ZBTB37: variants seen among roughly 807,000 people sequenced by gnomAD.
ZBTB37 encodes the protein zinc finger and BTB domain-containing protein 37.
A neutral mutation model predicts 37.7 loss-of-function variants in ZBTB37; 15 were observed. The observed-to-expected ratio is 0.40, with a 90% CI of 0.27 to 0.61. The LOEUF (loss-of-function observed/expected upper bound fraction) is 0.61, where lower values mean the gene tolerates loss of function less well. Ranked by LOEUF, ZBTB37 falls within the 20% of genes least tolerant of loss-of-function variation. The pLI is 0.44. For synonymous variants in ZBTB37, 231 were observed against 220.6 expected (o/e 1.05, Z -0.42); for missense variants, 514 against 641.9 (o/e 0.80, Z 2.15).
chr1:173,882,053 CAA>C (rs996462765), intron 4 of ZBTB37, among the ~76,000 whole-genome samples: 2 of 137,686 alleles, frequency 1.5e-5, no homozygotes, highest in Non-Finnish European at 1.6e-5. Context: ...GACTCTGTCT[CAA>C]AAAAAAAAAG....
intron 4 of ZBTB37, among the ~76,000 whole-genome samples, chr1:173,876,417 G>T (rs1572057229): frequency 6.6e-6 from 1 of 151,920 alleles, no homozygotes; most frequent in Non-Finnish European, 1.5e-5. Context: ...TCTCTGGTTC[G>T]AGCAATTCTC....
exon 4 of ZBTB37, chr1:173,899,951 T>C (rs1031577256): frequency 6.6e-6 from 1 of 152,214 alleles, no homozygotes; most frequent in African/African-American, 2.4e-5. Context: ...AAAACAAATT[T>C]TCAAAGTTCC....
chr1:173,902,544 G>A (rs1178512141), exon 4 of ZBTB37: 1 of 152,200 alleles, frequency 6.6e-6, no homozygotes, highest in Non-Finnish European at 1.5e-5. Context: ...TTGCACCACT[G>A]AGGGTGCTAG....
intron 4 of ZBTB37, among the ~76,000 whole-genome samples, chr1:173,875,164 G>A (rs916655074): frequency 3.5e-5 from 5 of 141,842 alleles, no homozygotes; most frequent in African/African-American, 1.1e-4. Flanking sequence ...GTGTGTGCAC[G>A]TGTGTACTGT....
At chr1:173,899,472 T>C (rs1005314537) in exon 4 of ZBTB37, 2 of 152,226 alleles carry the variant, frequency 1.3e-5, no homozygotes, top group African/African-American at 4.8e-5. Context: ...GGTAGTTTGA[T>C]TGCAGCATGT....
exon 4 of ZBTB37, chr1:173,891,714 G>A (rs1329158532): frequency 6.6e-6 from 1 of 152,088 alleles, no homozygotes; most frequent in African/African-American, 2.4e-5. Context: ...GCCCACTTGA[G>A]GCCAGGAATT....
At chr1:173,896,210 A>C (rs1049071784) in exon 4 of ZBTB37, 7 of 152,216 alleles carry the variant, frequency 4.6e-5, no homozygotes, top group African/African-American at 1.7e-4. Context: ...ATTTTATCAT[A>C]TAAAGATTAG....
exon 4 of ZBTB37, chr1:173,896,650 C>T (rs1380084832): frequency 1.3e-5 from 2 of 152,200 alleles, no homozygotes; most frequent in East Asian, 3.8e-4. Context: ...CAAATCTAAA[C>T]CATTTCAAGC....
chr1:173,875,652 G>C (rs1178932826), intron 4 of ZBTB37, among the ~76,000 whole-genome samples: 1 of 151,710 alleles, frequency 6.6e-6, no homozygotes, highest in Non-Finnish European at 1.5e-5. Context: ...TAAACAAATT[G>C]CTTATGCTTT....
chr1:173,900,210 T>C (rs1354898270), exon 4 of ZBTB37: 2 of 149,244 alleles, frequency 1.3e-5, no homozygotes, highest in African/African-American at 5.2e-5. Context: ...CTTTCACTTT[T>C]CTTGGATTGT....
chr1:173,875,255 TAC>T (rs66717477), intron 4 of ZBTB37, among the ~76,000 whole-genome samples: 13 of 149,954 alleles, frequency 8.7e-5, no homozygotes, highest in East Asian at 3.9e-4. Context: ...ATGCGTAGTA[TAC>T]ACACACACAC....
chr1:173,886,608 T>C (rs965668140), exon 5 of ZBTB37: 1 of 153,928 alleles, frequency 6.5e-6, no homozygotes, highest in Admixed American at 6.5e-5. Context: ...CTTCCTTCCC[T>C]GGCATAACAT....
chr1:173,877,296 G>A (rs1333543738), intron 4 of ZBTB37, among the ~76,000 whole-genome samples: 2 of 151,538 alleles, frequency 1.3e-5, no homozygotes, highest in Admixed American at 1.3e-4. Flanking sequence ...TAGTGTTGTG[G>A]GACTAGGATT....
chr1:173,892,547 TG>T (rs1353319774), exon 4 of ZBTB37: 1 of 152,206 alleles, frequency 6.6e-6, no homozygotes, highest in South Asian at 2.1e-4. Flanking sequence ...TATCAAAACC[TG>T]GAAGATATTG....
At chr1:173,874,573 G>A (rs895046820) in intron 4 of ZBTB37, among the ~76,000 whole-genome samples, 2 of 152,050 alleles carry the variant, frequency 1.3e-5, no homozygotes, top group Admixed American at 6.6e-5. Context: ...GGGTGGTTTC[G>A]ATCTCCTGAC....
chr1:173,903,235 CCT>C (rs1318691476), exon 4 of ZBTB37: 2 of 152,752 alleles, frequency 1.3e-5, no homozygotes, highest in Non-Finnish European at 2.9e-5. Context: ...CCCCAGGACC[CCT>C]GTCGTGTCGG....
At chr1:173,877,237 C>T (rs535546896) in intron 4 of ZBTB37, among the ~76,000 whole-genome samples, 1 of 151,748 alleles carries the variant, frequency 6.6e-6, no homozygotes, top group Non-Finnish European at 1.5e-5. Flanking sequence ...GACAGACTAA[C>T]AAATACACAC....
intron 4 of ZBTB37, among the ~76,000 whole-genome samples, chr1:173,883,351 G>A (rs972697193): frequency 2.6e-5 from 4 of 152,130 alleles, no homozygotes; most frequent in East Asian, 1.9e-4. Flanking sequence ...ATGGTGGTGC[G>A]TTCTGTAATT....
chr1:173,903,451 CTGTT>C (rs1238434582), exon 4 of ZBTB37: 5 of 185,192 alleles, frequency 2.7e-5, no homozygotes, highest in Non-Finnish European at 1.1e-5. Context: ...ACTTGAAATT[CTGTT>C]TGTATAAAAA....
Sources: allele counts gnomAD v4.1 joint callset (sites outside exome capture counted in the v4.1 genomes callset), GRCh38; gene constraint gnomAD v4.1.1; transcripts MANE v1.5; gene names NCBI Gene and HGNC (gene_info 2026-07-23, HGNC 2026-07-21).